The following PPP4R4 variants were observed in gnomAD, a reference collection of about 807,000 sequenced individuals.
The protein encoded by PPP4R4 is serine/threonine-protein phosphatase 4 regulatory subunit 4.
In PPP4R4, 70 loss-of-function variants were observed where a neutral mutation model predicts 121.8. The observed-to-expected ratio is 0.57, with a 90% CI of 0.47 to 0.70. The LOEUF (loss-of-function observed/expected upper bound fraction) is 0.70, where lower values mean the gene tolerates loss of function less well. PPP4R4 is among the 30% of genes least tolerant of loss of function. PPP4R4 has a pLI of 0.00. For synonymous variants in PPP4R4, 348 were observed against 355.7 expected (o/e 0.98, Z 0.24); for missense variants, 875 against 1,033.6 (o/e 0.85, Z 2.10).
chr14:94,213,227 C>T (rs965925577), intron 3 of PPP4R4, among the ~76,000 whole-genome samples: 2 of 152,204 alleles, frequency 1.3e-5, no homozygotes, highest in Non-Finnish European at 2.9e-5. Flanking sequence ...TCACTCTTTA[C>T]TACTCATTAG....
intron 3 of PPP4R4, among the ~76,000 whole-genome samples, chr14:94,217,717 G>A (rs1343554072): frequency 6.6e-5 from 10 of 152,122 alleles, no homozygotes; most frequent in Admixed American, 5.9e-4. Context: ...GAAATAGGCC[G>A]GGCGTGGTGG....
At chr14:94,203,927 G>A (rs945985663) in intron 2 of PPP4R4, among the ~76,000 whole-genome samples, 1 of 151,992 alleles carries the variant, frequency 6.6e-6, no homozygotes, top group African/African-American at 2.4e-5. Context: ...TCTTTATATG[G>A]TCTCGACACT....
intron 24 of PPP4R4, among the ~76,000 whole-genome samples, 180 bp downstream of exon 24, chr14:94,275,701 A>G (rs1197683218): frequency 6.6e-6 from 1 of 152,232 alleles, no homozygotes; most frequent in Non-Finnish European, 1.5e-5. Flanking sequence ...AGAATAACTT[A>G]TATATGGCAA....
chr14:94,249,806 G>C (rs190445917), intron 14 of PPP4R4, among the ~76,000 whole-genome samples: 1 of 152,074 alleles, frequency 6.6e-6, no homozygotes, highest in African/African-American at 2.4e-5. Flanking sequence ...TGATGTACCT[G>C]ACACATGGCA....
intron 3 of PPP4R4, among the ~76,000 whole-genome samples, chr14:94,220,911 G>A (rs1891351689): frequency 6.6e-6 from 1 of 152,142 alleles, no homozygotes; most frequent in Non-Finnish European, 1.5e-5. Flanking sequence ...GTATGAGAAT[G>A]TAAAGGACCT....
intron 2 of PPP4R4, among the ~76,000 whole-genome samples, chr14:94,206,322 T>A (rs1890457074): frequency 6.6e-6 from 1 of 152,078 alleles, no homozygotes. Flanking sequence ...TACATTATTT[T>A]CCATTCTTTA....
chr14:94,259,164 AG>A, intron 18 of PPP4R4, 130 bp from the exon 19 acceptor site: 1 of 1,417,898 alleles, frequency 7.1e-7, no homozygotes, highest in Non-Finnish European at 9.5e-7. Context: ...TGTGGGAATT[AG>A]GGGAGCTACA....
chr14:94,182,359 C>T (rs752460216), intron 2 of PPP4R4, among the ~76,000 whole-genome samples: 4 of 152,076 alleles, frequency 2.6e-5, no homozygotes, highest in African/African-American at 4.8e-5. Context: ...ACCCATGTAC[C>T]CAGTATCCAG....
At chr14:94,267,656 G>A (rs1369965506) in intron 23 of PPP4R4, among the ~76,000 whole-genome samples, 1 of 152,140 alleles carries the variant, frequency 6.6e-6, no homozygotes, top group Non-Finnish European at 1.5e-5. Flanking sequence ...TATAAATAAT[G>A]TAGACTATAT....
At chr14:94,269,337 G>A (rs1894200347) in intron 23 of PPP4R4, among the ~76,000 whole-genome samples, 1 of 152,122 alleles carries the variant, frequency 6.6e-6, no homozygotes, top group African/African-American at 2.4e-5. Context: ...CAGCTGACTA[G>A]TTTGGCTGGA....
intron 2 of PPP4R4, among the ~76,000 whole-genome samples, chr14:94,185,876 C>A (rs1180708680): frequency 3.3e-5 from 5 of 152,122 alleles, no homozygotes; most frequent in Non-Finnish European, 7.3e-5. Context: ...AATGGGTACA[C>A]CTGTGTAACT....
intron 23 of PPP4R4, among the ~76,000 whole-genome samples, chr14:94,267,684 G>T (rs1566704220): frequency 6.6e-6 from 1 of 152,042 alleles, no homozygotes; most frequent in Non-Finnish European, 1.5e-5. Flanking sequence ...ATTACTAGTG[G>T]CTAAATGTGT....
At position 94,246,436 on chromosome 14, in the gene PPP4R4, A is replaced by G. The variant is rs1256237038; in HGVS notation, c.1508A>G (p.His503Arg). 1.2e-6 allele frequency: 2 copies of G among 1,614,016 alleles called. No homozygotes were observed. The highest frequency in any genetic ancestry group is 1.3e-5 in the African/African-American group (1 of 74,938). ...RAAASLKWRT[H>R]EKLLQKYACL... ...GCAGCCTCTTTAAAATGGAGAACTC[A>G]TGAGAAGCTACTTCAGAAATATGCC... is the stretch of plus-strand genomic sequence containing the variant. Residue 503 changes from histidine (H) to arginine (R), a missense_variant, in exon 14 of 25, where the codon CAT becomes CGT. By Grantham distance (29) the His-to-Arg change is conservative. Transcript: ENST00000304338.
intron 6 of PPP4R4, among the ~76,000 whole-genome samples, 162 bp from the exon 7 acceptor site, chr14:94,234,400 C>T (rs2139543514): frequency 1.3e-5 from 2 of 152,168 alleles, no homozygotes; most frequent in African/African-American, 4.8e-5. Context: ...CTAATAACAT[C>T]CAAATTTAAT....
intron 3 of PPP4R4, among the ~76,000 whole-genome samples, chr14:94,210,048 CT>C (rs914153766): frequency 8.6e-5 from 13 of 151,580 alleles, no homozygotes; most frequent in East Asian, 7.8e-4. Flanking sequence ...ATATTATACA[CT>C]TTTTTTTATT....
intron 3 of PPP4R4, among the ~76,000 whole-genome samples, chr14:94,220,620 T>G (rs752447694): frequency 6.6e-6 from 1 of 152,044 alleles, no homozygotes; most frequent in South Asian, 2.1e-4. Context: ...GAAACTGAAG[T>G]TTTTCTTAAA....
In PPP4R4 at chr14:94,233,134, A is replaced by G. The variant is rs148199099; in HGVS notation, c.517-519A>G. ...GGACTAGAATCAGAGTCTGATCTTC[A>G]TAGTGTTTTATGGTCTGTCAGGCTG... On this transcript the variant is annotated intron_variant, in intron 5 of 24. Transcript: ENST00000304338. 4.7e-4 allele frequency among the ~76,000 whole-genome samples: 72 copies of G among 152,154 alleles called. 1 individual carries two copies. The East Asian group carries it at 0.013, about 26-fold the overall frequency.
Position 94,278,659 on chromosome 14 carries a change from A to G in PPP4R4, c.*16A>G. 6.4e-7 allele frequency: 1 copy of G among 1,566,980 alleles called. No homozygotes were observed. Among genetic ancestry groups the G allele is most frequent in the African/African-American group, 1.4e-5 (1 of 73,234 alleles). On this transcript the variant is annotated 3_prime_UTR_variant, in exon 25 of 25. Coordinates refer to ENST00000304338, the MANE Select transcript of PPP4R4 (RefSeq NM_058237.2). Reference sequence around the variant, plus strand: ...CAATCCTTAAATCAACTGCTTGATGAAGGAGGCAAAACAAAGGCAGCAGGA... The same window carrying G: ...CAATCCTTAAATCAACTGCTTGATGGAGGAGGCAAAACAAAGGCAGCAGGA...
Position 94,244,828 on chromosome 14 carries a change from G to A in PPP4R4, c.1344+116G>A, listed in dbSNP as rs996140536. 10 of 1,026,142 alleles carry A rather than the reference G, an allele frequency of 9.7e-6. No individual in the cohort carries two copies. The African/African-American group carries it at 1.7e-4, about 17-fold the overall frequency. The allele number at this position is 1,026,142 out of a possible 1,614,324, so 63.6% of individuals were successfully genotyped here. A position where few individuals can be genotyped will look rare whatever the true frequency, so the allele number is the denominator to read the frequency against. ...CAACTCTTTCAGCTGACTAGCCCCA[G>A]AAGCTTCAAATTGTTGTACCACTAT... On this transcript the variant is annotated intron_variant, in intron 12 of 24. Coordinates refer to ENST00000304338, the MANE Select transcript of PPP4R4 (RefSeq NM_058237.2).
Sources: allele counts gnomAD v4.1 joint callset (sites outside exome capture counted in the v4.1 genomes callset), GRCh38; gene constraint gnomAD v4.1.1; transcripts MANE v1.5; gene names NCBI Gene and HGNC (gene_info 2026-07-23, HGNC 2026-07-21).